MAGI2: variants seen among roughly 807,000 people sequenced by gnomAD.
MAGI2 encodes membrane associated guanylate kinase, WW and PDZ domain containing 2, also known as membrane-associated guanylate kinase, WW and PDZ domain-containing protein 2.
Under a neutral mutation model 133.3 loss-of-function variants are expected in MAGI2, and 35 were observed. The ratio of observed to expected loss-of-function variants is 0.26; its 90% CI spans 0.20 to 0.35. MAGI2 has a LOEUF of 0.35. Ranked by LOEUF, MAGI2 falls within the 10% of genes least tolerant of loss-of-function variation. MAGI2 has a pLI of 1.00. For synonymous variants in MAGI2, 729 were observed against 710.6 expected, an observed-to-expected ratio of 1.03 and a Z score of -0.41; for missense variants, 1,636 against 1,863.4, an observed-to-expected ratio of 0.88 and a Z score of 2.25.
chr7:79,006,936 T>G (rs1035814119), intron 2 of MAGI2, 154 bp downstream of exon 2: 1 of 546,632 alleles, frequency 1.8e-6, no homozygotes, highest in Non-Finnish European at 3.2e-6. Context: ...GTTATAAGCA[T>G]TTGCACTTAA....
intron 2 of MAGI2, among the ~76,000 whole-genome samples, chr7:78,758,652 A>T (rs1433506921): frequency 6.6e-6 from 1 of 152,024 alleles, no homozygotes. Context: ...CCTCTCCATC[A>T]CAAAAGGGTC....
At chr7:78,466,462 T>C (rs1471234274) in intron 6 of MAGI2, among the ~76,000 whole-genome samples, 1 of 152,192 alleles carries the variant, frequency 6.6e-6, no homozygotes, top group Admixed American at 6.5e-5. Context: ...TTTGTGAGGA[T>C]TTATGTGTTT....
chr7:78,317,436 AC>A, intron 9 of MAGI2, among the ~76,000 whole-genome samples: 1 of 152,368 alleles, frequency 6.6e-6, no homozygotes, highest in East Asian at 1.9e-4. Flanking sequence ...CAGCTTGACA[AC>A]CCCAAGAAGG....
intron 9 of MAGI2, among the ~76,000 whole-genome samples, chr7:78,294,459 A>C (rs188169058): frequency 1.3e-5 from 2 of 152,130 alleles, no homozygotes; most frequent in Admixed American, 1.3e-4. Flanking sequence ...TAAAGGTCTT[A>C]ACTCTGTTCT....
chr7:79,037,162 T>C (rs1811202704), intron 1 of MAGI2, among the ~76,000 whole-genome samples: 1 of 152,180 alleles, frequency 6.6e-6, no homozygotes, highest in South Asian at 2.1e-4. Flanking sequence ...AGCAATATAA[T>C]AACTAAAACA....
chr7:79,127,976 A>G (rs1334180884), intron 1 of MAGI2, among the ~76,000 whole-genome samples: 1 of 152,124 alleles, frequency 6.6e-6, no homozygotes, highest in Non-Finnish European at 1.5e-5. Flanking sequence ...TAATTTTTGT[A>G]TAAGGTGTAA....
At chr7:78,904,878 A>G (rs1302969641) in intron 2 of MAGI2, among the ~76,000 whole-genome samples, 1 of 152,136 alleles carries the variant, frequency 6.6e-6, no homozygotes, top group Non-Finnish European at 1.5e-5. Flanking sequence ...CATAAGACAA[A>G]CAGGTCTTCA....
chr7:78,089,808 C>G (rs752635035), intron 20 of MAGI2, among the ~76,000 whole-genome samples: 2 of 152,174 alleles, frequency 1.3e-5, no homozygotes, highest in Non-Finnish European at 2.9e-5. Context: ...CTCTTCTTTC[C>G]ATCCATATGG....
intron 10 of MAGI2, among the ~76,000 whole-genome samples, chr7:78,214,321 G>A (rs1788059796): frequency 6.6e-6 from 1 of 152,130 alleles, no homozygotes; most frequent in Non-Finnish European, 1.5e-5. Context: ...TCAGTGTCAT[G>A]CTCTTCTAAT....
At chr7:78,407,442 A>T (rs1797483910) in intron 6 of MAGI2, among the ~76,000 whole-genome samples, 1 of 152,034 alleles carries the variant, frequency 6.6e-6, no homozygotes, top group African/African-American at 2.4e-5. Context: ...AATCCAAGTT[A>T]TGAATAAAAA....
intron 20 of MAGI2, among the ~76,000 whole-genome samples, chr7:78,124,700 A>T (rs1307072237): frequency 6.6e-6 from 1 of 152,094 alleles, no homozygotes; most frequent in African/African-American, 2.4e-5. Context: ...ACACACACAA[A>T]CACACAGAGA....
intron 1 of MAGI2, among the ~76,000 whole-genome samples, chr7:79,425,284 C>G (rs4291207): frequency 6.6e-6 from 1 of 150,668 alleles, no homozygotes; most frequent in Non-Finnish European, 1.5e-5. Flanking sequence ...GATGTTCCCC[C>G]TCTTTCTCTC....
chr7:78,054,496 A>G (rs1276522771), intron 21 of MAGI2, among the ~76,000 whole-genome samples: 3 of 151,658 alleles, frequency 2.0e-5, no homozygotes, highest in Non-Finnish European at 4.4e-5. Context: ...AAAAGCCTCC[A>G]TCTCACTCTA....
intron 1 of MAGI2, among the ~76,000 whole-genome samples, chr7:79,161,476 G>A (rs1201774166): frequency 6.6e-6 from 1 of 152,036 alleles, no homozygotes; most frequent in African/African-American, 2.4e-5. Flanking sequence ...AATGTTATCC[G>A]AAGCTACCCC....
intron 1 of MAGI2, among the ~76,000 whole-genome samples, chr7:79,056,534 G>A (rs1227610551): frequency 6.6e-6 from 1 of 152,140 alleles, no homozygotes; most frequent in Non-Finnish European, 1.5e-5. Flanking sequence ...ATTCATTCAT[G>A]TATTCAGTTC....
chr7:79,408,804 A>G (rs2129169587), intron 1 of MAGI2, among the ~76,000 whole-genome samples: 1 of 152,272 alleles, frequency 6.6e-6, no homozygotes, highest in African/African-American at 2.4e-5. Context: ...TATTCATATA[A>G]GGGTTTAAGA....
intron 1 of MAGI2, among the ~76,000 whole-genome samples, chr7:79,111,619 A>T (rs1765961953): frequency 1.3e-5 from 2 of 152,160 alleles, no homozygotes; most frequent in African/African-American, 4.8e-5. Flanking sequence ...GCTCGGAGAT[A>T]GTAACTTTCC....
chr7:78,686,660 G>T (rs1021016188), intron 2 of MAGI2, among the ~76,000 whole-genome samples: 5 of 151,836 alleles, frequency 3.3e-5, no homozygotes, highest in Non-Finnish European at 7.4e-5. Context: ...AATGTGATCC[G>T]AGGCTATGAT....
chr7:79,142,842 A>G (rs1366952143), intron 1 of MAGI2, among the ~76,000 whole-genome samples: 4 of 152,136 alleles, frequency 2.6e-5, no homozygotes, highest in African/African-American at 9.7e-5. Context: ...CTGTTCCACC[A>G]GCAGAGAAGC....
Sources: gnomAD v4.1 joint callset for allele counts (sites outside exome capture counted in the v4.1 genomes callset) on GRCh38, gnomAD v4.1.1 for gene constraint, MANE v1.5 for transcripts, NCBI Gene and HGNC (gene_info 2026-07-23, HGNC 2026-07-21) for gene names.